Variants in MYOM2 observed in about 807,000 individuals in gnomAD.
The protein encoded by MYOM2 is myomesin 2, also known as myomesin-2.
MYOM2 carries 254 observed loss-of-function variants against 187.6 expected under a neutral mutation model. The ratio of observed to expected loss-of-function variants is 1.35; its 90% CI spans 1.22 to 1.50. MYOM2 has a LOEUF of 1.50. MYOM2 is among the 40% of genes most tolerant of loss of function. The pLI is 0.00. For missense variants in MYOM2, 2,796 were observed against 1,924.0 expected (o/e 1.45, Z -8.48); for synonymous variants, 981 against 753.8 (o/e 1.30, Z -4.94).
intron 23 of MYOM2, among the ~76,000 whole-genome samples, chr8:2,106,926 G>C (rs908570825): frequency 1.3e-5 from 2 of 152,126 alleles, no homozygotes; most frequent in African/African-American, 4.8e-5. Flanking sequence ...ATTAATGAGA[G>C]ACCTACGGGT....
In MYOM2 at chr8:2,123,597, G is replaced by T. The variant is rs763133179; in HGVS notation, c.3610G>T (p.Asp1204Tyr). The change falls in exon 30 of 37, where the codon GAT becomes TAT. Residue 1204 changes from aspartate (D) to tyrosine (Y), a missense_variant. Coordinates refer to ENST00000262113, the MANE Select transcript of MYOM2 (RefSeq NM_003970.4). ...CGGTGAATACAAGGCAACCTTGAAA[G>T]ATGACAGAGGCCAAGATGTGTCCAT... ...DHGEYKATLK[D>Y]DRGQDVSILE... 1.2e-6 allele frequency: 2 copies of T among 1,614,078 alleles called. No individual in the cohort carries two copies. Among genetic ancestry groups the T allele is most frequent in the Non-Finnish European group, 1.7e-6 (2 of 1,180,036 alleles).
chr8:2,088,584 G>A (rs541415684), intron 14 of MYOM2, among the ~76,000 whole-genome samples: 1 of 152,354 alleles, frequency 6.6e-6, no homozygotes, highest in Admixed American at 6.5e-5. Flanking sequence ...CACCCATGTG[G>A]CTGCACAGGA....
chr8:2,108,053 T>C (rs1323276987), intron 23 of MYOM2, among the ~76,000 whole-genome samples: 4 of 152,320 alleles, frequency 2.6e-5, no homozygotes, highest in African/African-American at 9.6e-5. Context: ...GTTGCCAATA[T>C]GAATTTACTT....
chr8:2,123,949 GT>G (rs1436786597), intron 30 of MYOM2, among the ~76,000 whole-genome samples: 2 of 152,250 alleles, frequency 1.3e-5, no homozygotes, highest in Non-Finnish European at 2.9e-5. Flanking sequence ...TCAGTTGAAT[GT>G]AGAGTTGGAT....
intron 32 of MYOM2, among the ~76,000 whole-genome samples, chr8:2,139,016 CCCGACACACA>C (rs1798180268): frequency 5.0e-5 from 2 of 39,830 alleles, no homozygotes; most frequent in Non-Finnish European, 1.0e-4. Flanking sequence ...CCACCAGAGA[CCCGACACACA>C]CTGCCAGCAC....
intron 31 of MYOM2, among the ~76,000 whole-genome samples, chr8:2,127,063 C>T (rs1417192225): frequency 2.0e-5 from 3 of 151,710 alleles, no homozygotes; most frequent in Admixed American, 6.6e-5. Flanking sequence ...CAGGCTGCTC[C>T]GACCCTCCCG....
rs376241384 is a variant in MYOM2 at position 2,066,413 on chromosome 8, G to A, written c.654-2865G>A. On this transcript the variant is annotated intron_variant, in intron 6 of 36. Transcript: ENST00000262113. Reference sequence around the variant, plus strand: ...CCAGCGGTGCCTGTGGGAGGCTGTCGCCCTTGTTTCTCTCATCTGCTGTGT... The same window carrying A: ...CCAGCGGTGCCTGTGGGAGGCTGTCACCCTTGTTTCTCTCATCTGCTGTGT... Among the ~76,000 whole-genome samples, 108 of 152,288 alleles carry A rather than the reference G, an allele frequency of 7.1e-4. 1 individual carries two copies. The Middle Eastern group carries it at 0.01, about 14-fold the overall frequency.
intron 25 of MYOM2, 86 bp from the exon 26 acceptor site, chr8:2,115,874 T>C: frequency 7.0e-7 from 1 of 1,431,264 alleles, no homozygotes; most frequent in South Asian, 1.3e-5. Context: ...TGAGATCTCA[T>C]GGCTGATGCA....
chr8:2,079,759 C>T (rs1819558867), intron 13 of MYOM2, 146 bp downstream of exon 13: 2 of 855,550 alleles, frequency 2.3e-6, no homozygotes, highest in Non-Finnish European at 3.9e-6. Context: ...CCTGCAAGCC[C>T]AGTGTCCATA....
At chr8:2,064,635 G>A (rs966291809) in intron 6 of MYOM2, among the ~76,000 whole-genome samples, 8 of 152,212 alleles carry the variant, frequency 5.3e-5, no homozygotes, top group African/African-American at 1.9e-4. Flanking sequence ...GAGCTAATCA[G>A]TGCTAATGCG....
chr8:2,072,630 A>G (rs1364473373), intron 9 of MYOM2, 121 bp downstream of exon 9: 1 of 1,232,872 alleles, frequency 8.1e-7, no homozygotes, highest in Non-Finnish European at 1.1e-6. Flanking sequence ...CAGACAGCGA[A>G]ACAAACTGAG....
chr8:2,099,714 C>G (rs368095700), intron 19 of MYOM2, among the ~76,000 whole-genome samples: 4 of 152,150 alleles, frequency 2.6e-5, no homozygotes, highest in East Asian at 3.9e-4. Context: ...GTCACCATGC[C>G]CTGCTAACAT....
chr8:2,114,462 T>G (rs564952343), intron 25 of MYOM2, among the ~76,000 whole-genome samples: 93 of 149,736 alleles, frequency 6.2e-4, no homozygotes, highest in African/African-American at 2.2e-3. Flanking sequence ...GCATTATATA[T>G]GACAAAATTT....
chr8:2,062,815 C>T (rs1818894701), intron 6 of MYOM2, among the ~76,000 whole-genome samples: 1 of 152,154 alleles, frequency 6.6e-6, no homozygotes. Context: ...TGTTCCCAAG[C>T]TGTGTTCTGA....
At position 2,101,058 on chromosome 8, in the gene MYOM2, A is replaced by C. The variant is rs770644794; in HGVS notation, c.2619+4A>C. On this transcript the variant is annotated splice_donor_region_variant and intron_variant, in intron 20 of 36. Transcript: ENST00000262113. ...AACAGCCAGCCGTTATTTAAAGGTA[A>C]GTCTTGGCCGGCTGTGGTGGCTCAT... 6.2e-7 allele frequency: 1 copy of C among 1,613,828 alleles called. No individual in the cohort carries two copies. The highest frequency in any genetic ancestry group is 1.1e-5 in the South Asian group (1 of 91,028).
chr8:2,137,576 G>GTGTGTGTGTA (rs1798125781), intron 32 of MYOM2, among the ~76,000 whole-genome samples: 2 of 152,174 alleles, frequency 1.3e-5, no homozygotes, highest in South Asian at 4.2e-4. Flanking sequence ...GTGTGTGTGT[G>GTGTGTGTGTA]TGTGTGCATT....
chr8:2,131,333 T>C (rs987950199), intron 32 of MYOM2, among the ~76,000 whole-genome samples: 1 of 152,106 alleles, frequency 6.6e-6, no homozygotes. Flanking sequence ...GAGAAACATG[T>C]CATTTTGTCA....
At chr8:2,054,092 C>T (rs938079825) in intron 3 of MYOM2, among the ~76,000 whole-genome samples, 17 of 152,242 alleles carry the variant, frequency 1.1e-4, no homozygotes, top group African/African-American at 4.1e-4. Flanking sequence ...TAGAATTCAC[C>T]ACTCTCACGG....
At chr8:2,091,735 G>A (rs146458161) in intron 15 of MYOM2, among the ~76,000 whole-genome samples, 5 of 152,178 alleles carry the variant, frequency 3.3e-5, no homozygotes, top group Non-Finnish European at 7.3e-5. Context: ...TTTGAGCAAG[G>A]CCCTGCCTTC....
Sources: gnomAD v4.1 joint callset for allele counts (sites outside exome capture counted in the v4.1 genomes callset) on GRCh38, gnomAD v4.1.1 for gene constraint, MANE v1.5 for transcripts, NCBI Gene and HGNC (gene_info 2026-07-23, HGNC 2026-07-21) for gene names.